SASH1: variants seen among roughly 807,000 people sequenced by gnomAD.
SASH1 encodes the protein SAM and SH3 domain containing 1.
Under a neutral mutation model 125.2 loss-of-function variants are expected in SASH1, and 44 were observed. The observed-to-expected ratio is 0.35, with a 90% CI of 0.28 to 0.45. The LOEUF (loss-of-function observed/expected upper bound fraction) is 0.45. SASH1 is among the 20% of genes least tolerant of loss of function. The pLI, the probability that SASH1 is intolerant of heterozygous loss-of-function variation, is 1.00. For synonymous variants in SASH1, 639 were observed against 649.1 expected, an observed-to-expected ratio of 0.98 and a Z score of 0.24; for missense variants, 1,426 against 1,614.5, an observed-to-expected ratio of 0.88 and a Z score of 2.00.
At chr6:148,258,485 T>A in the SASH1 span, among the ~76,000 whole-genome samples, 1 of 152,108 alleles carries the variant, frequency 6.6e-6, no homozygotes, top group Non-Finnish European at 1.5e-5. Context: ...ATCACAGAGA[T>A]TAAGTAACCT....
At chr6:148,278,285 C>A (rs1265795435) in intron 1 of SASH1, among the ~76,000 whole-genome samples, 1 of 152,196 alleles carries the variant, frequency 6.6e-6, no homozygotes, top group African/African-American at 2.4e-5. Context: ...GAACCACCAG[C>A]CTTGGCCTAC....
At chr6:148,545,398 T>C (rs1304762359) in intron 18 of SASH1, among the ~76,000 whole-genome samples, 3 of 152,214 alleles carry the variant, frequency 2.0e-5, no homozygotes, top group African/African-American at 7.2e-5. Context: ...TCCACCTCTC[T>C]GACCCTCCTT....
intron 1 of SASH1, chr6:148,379,970 TGCGGAACGTAG>T: frequency 2.2e-6 from 1 of 456,520 alleles, no homozygotes; most frequent in Non-Finnish European, 4.4e-6. Context: ...ATTTGTGAGA[TGCGGAACGTAG>T]GTGCCACACA....
intron 1 of SASH1, among the ~76,000 whole-genome samples, chr6:148,345,034 G>T (rs1035245042): frequency 1.3e-5 from 2 of 152,196 alleles, no homozygotes; most frequent in Admixed American, 6.5e-5. Context: ...GATTACAGGC[G>T]TGAGCCACCG....
chr6:148,236,284 G>T, the SASH1 span, among the ~76,000 whole-genome samples: 3 of 151,574 alleles, frequency 2.0e-5, no homozygotes, highest in Non-Finnish European at 4.4e-5. Context: ...GCACGATCTC[G>T]GCTCACTGCA....
rs1165607724 is a variant in SASH1, at chr6:148,532,783, T to G, written c.1565-14T>G. The G allele has an allele frequency of 6.2e-7, 1 of 1,613,820 alleles. No homozygotes were observed. The highest frequency in any genetic ancestry group is 1.7e-5 in the Admixed American group (1 of 60,028). ...TCTGGATCTACCCGTGTTCTTCCTA[T>G]GTTTCCTGTACAGGCGGTCAAACAG... On this transcript the variant is annotated splice_polypyrimidine_tract_variant and intron_variant, in intron 13 of 19. Transcript: ENST00000367467. This position sits in a 1 kb window ranked among gnomAD's most constrained non-coding sequence, Gnocchi z 4.7.
chr6:148,215,617 G>T, the SASH1 span, among the ~76,000 whole-genome samples: 1 of 152,060 alleles, frequency 6.6e-6, no homozygotes, highest in Admixed American at 6.6e-5. Flanking sequence ...CTTTAAAAAT[G>T]GGATTCTCAG....
intron 11 of SASH1, among the ~76,000 whole-genome samples, chr6:148,526,129 C>T (rs1284285105): frequency 2.8e-5 from 4 of 141,956 alleles, no homozygotes; most frequent in African/African-American, 1.0e-4. Flanking sequence ...CACAATCTTG[C>T]CTCACTGCAA....
Position 148,532,699 on chromosome 6 carries a change from G to T in SASH1, c.1565-98G>T. On this transcript the variant is annotated intron_variant, in intron 13 of 19. Transcript: ENST00000367467. The surrounding 1 kb of genome is among the most constrained non-coding windows in gnomAD (Gnocchi z 4.7). ...TGTGGCTCAAGGCTTCCTTTCTCTGGGCCTTCATTTCCTAATCTGCCATAC... is the reference window on the plus strand; with the variant it reads ...TGTGGCTCAAGGCTTCCTTTCTCTGTGCCTTCATTTCCTAATCTGCCATAC... The T allele has an allele frequency of 7.2e-7, 1 of 1,398,038 alleles. No individual in the cohort carries two copies. 86.6% of individuals were successfully genotyped at this position (1,398,038 alleles called of 1,614,324 possible). A position where few individuals can be genotyped will look rare whatever the true frequency, so the allele number is the denominator to read the frequency against.
intron 1 of SASH1, among the ~76,000 whole-genome samples, chr6:148,304,403 C>G (rs1449025195): frequency 2.0e-5 from 3 of 150,690 alleles, no homozygotes; most frequent in Admixed American, 2.0e-4. Flanking sequence ...CCACTGCACT[C>G]CAGCCTGGGC....
intron 16 of SASH1, among the ~76,000 whole-genome samples, chr6:148,537,898 C>T (rs1781961156): frequency 6.6e-6 from 1 of 151,300 alleles, no homozygotes; most frequent in South Asian, 2.1e-4. Flanking sequence ...AAGTTCAGGT[C>T]ATGCTCAAAT....
chr6:148,414,850 G>A (rs1276017325), intron 2 of SASH1, among the ~76,000 whole-genome samples: 5 of 151,912 alleles, frequency 3.3e-5, no homozygotes, highest in Non-Finnish European at 1.5e-5. Context: ...TAGTTTCTTG[G>A]CCAGGCTGGT....
the SASH1 span, among the ~76,000 whole-genome samples, chr6:148,233,742 C>CAAAAAAAAAAAAAAAA: frequency 4.7e-3 from 285 of 60,482 alleles, 37 homozygotes; most frequent in East Asian, 0.011. Flanking sequence ...TTCCTCTCTA[C>CAAAAAAAAAAAAAAAA]AAAAAAAAAA....
the SASH1 span, among the ~76,000 whole-genome samples, chr6:148,239,593 A>T: frequency 3.3e-5 from 5 of 152,256 alleles, no homozygotes; most frequent in South Asian, 1.0e-3. Flanking sequence ...CTTGCCAATC[A>T]ATCTCCAGCA....
intron 8 of SASH1, among the ~76,000 whole-genome samples, chr6:148,501,738 C>T (rs894226865): frequency 6.6e-6 from 1 of 152,150 alleles, no homozygotes; most frequent in Admixed American, 6.5e-5. Context: ...ACCACTCTCT[C>T]CCCCCACCCA....
In SASH1 at chr6:148,533,812, G is replaced by A; in HGVS notation, c.1776G>A (p.Gly592=). Residue 592 remains glycine (G), a synonymous_variant, in exon 15 of 20, where the codon GGG becomes GGA. Transcript: ENST00000367467. The surrounding 1 kb of genome is among the most constrained non-coding windows in gnomAD (Gnocchi z 6.2). ...IIDIISKPPM[G]TWMGLLNNKV... ...ATATAATCAGCAAGCCACCCATGGG[G>A]ACCTGGATGGGCCTGCTGAACAACA... 6.2e-7 allele frequency: 1 copy of A among 1,613,908 alleles called. No individual in the cohort carries two copies. The highest frequency in any genetic ancestry group is 8.5e-7 in the Non-Finnish European group (1 of 1,179,978).
Position 148,543,744 on chromosome 6 carries a change from T to C in SASH1, c.2274T>C (p.Phe758=). The part of the protein sequence containing the change: ...KSSTEPSLKS[F]SRNQLGNYPT... Reference sequence around the variant, plus strand: ...CCACCGAGCCCAGCTTGAAGTCTTTTAGCAGAAACCAGTTGGGCAATTACC... The same window carrying C: ...CCACCGAGCCCAGCTTGAAGTCTTTCAGCAGAAACCAGTTGGGCAATTACC... The change falls in exon 18 of 20, where the codon TTT becomes TTC. Residue 758 remains phenylalanine, a synonymous_variant. Coordinates refer to ENST00000367467, the MANE Select transcript of SASH1 (RefSeq NM_015278.5). 6.2e-7 allele frequency: 1 copy of C among 1,606,050 alleles called. No homozygotes were observed. The highest frequency in any genetic ancestry group is 8.5e-7 in the Non-Finnish European group (1 of 1,174,910).
chr6:148,388,381 G>A (rs1242616508), intron 1 of SASH1, among the ~76,000 whole-genome samples: 1 of 152,112 alleles, frequency 6.6e-6, no homozygotes, highest in Non-Finnish European at 1.5e-5. Flanking sequence ...AAGAGGAGGG[G>A]GTCTCCCACG....
At chr6:148,214,749 G>A in the SASH1 span, among the ~76,000 whole-genome samples, 456 of 152,204 alleles carry the variant, frequency 3.0e-3, 1 homozygote, top group African/African-American at 0.01. Flanking sequence ...ATGAGGGAGC[G>A]GGGAGGAAAG....
Sources: gnomAD v4.1 joint callset for allele counts (sites outside exome capture counted in the v4.1 genomes callset) on GRCh38, gnomAD v4.1.1 for gene constraint, Gnocchi (gnomAD v3.1) non-coding constraint, MANE v1.5 for transcripts, NCBI Gene and HGNC (gene_info 2026-07-23, HGNC 2026-07-21) for gene names.